BSND: variants seen among roughly 807,000 people sequenced by gnomAD.
BSND encodes the protein barttin.
In BSND, 13 loss-of-function variants were observed where a neutral mutation model predicts 18.8. That is an observed-to-expected ratio of 0.69 (90% CI 0.45 to 1.10). BSND has a LOEUF of 1.10. BSND is among the 50% of genes least tolerant of loss of function. BSND has a pLI of 0.00. For synonymous variants in BSND, 170 were observed against 161.8 expected (o/e 1.05, Z -0.39); for missense variants, 379 against 416.7 (o/e 0.91, Z 0.79).
At position 55,016,611 on chromosome 1, in the gene BSND, T is replaced by TGTTC. The variant is rs386366992; in HGVS notation, c.*7986_*7987insCGTT. ...TTTGTTGTTGTTGTTGTTGTTTGTT[T>TGTTC]GTTGTTTTGAGACAAGGTCTTGCCG... On this transcript the variant is annotated 3_prime_UTR_variant, in exon 4 of 4. Coordinates refer to ENST00000651561, the MANE Select transcript of BSND (RefSeq NM_057176.3). Among the ~76,000 whole-genome samples the TGTTC allele has an allele frequency of 1.3e-5, 2 of 152,030 alleles. No individual in the cohort carries two copies. Among genetic ancestry groups the TGTTC allele is most frequent in the Non-Finnish European group, 2.9e-5 (2 of 67,994 alleles).
chr1:55,001,201 CGTGTGTGTGTGTGTGTGTGTGTGT>C (rs36051858), intron 1 of BSND, among the ~76,000 whole-genome samples: 2 of 137,012 alleles, frequency 1.5e-5, no homozygotes, highest in South Asian at 2.5e-4. Context: ...ACAGTGGGAT[CGTGTGTGTGTGTGTGTGTGTGTGT>C]GTGTGTGTGT....
rs1486736339 is a variant in BSND at position 54,999,349 on chromosome 1, C to A, written c.163C>A (p.Gln55Lys). 2 of 1,609,776 alleles carry A rather than the reference C, an allele frequency of 1.2e-6. No individual in the cohort carries two copies. The highest frequency in any genetic ancestry group is 3.3e-5 in the Admixed American group (2 of 59,942). The change falls in exon 1 of 4, where the codon CAG (glutamine) becomes AAG (lysine). Residue 55 changes from glutamine to lysine, a missense_variant. Transcript: ENST00000651561. ...VIGGIIWSMC[Q>K]CYPKITFVPA... ...CGGGGGCATCATCTGGAGCATGTGC[C>A]AGTGCTACCCCAAGGTAGGTGGTAG... is the stretch of plus-strand genomic sequence containing the variant.
intron 2 of BSND, 84 bp from the exon 3 acceptor site, chr1:55,006,913 T>C: frequency 1.3e-6 from 2 of 1,599,632 alleles, no homozygotes; most frequent in Non-Finnish European, 1.7e-6. Context: ...GGAGACCACA[T>C]ACCCAAAGCA....
chr1:54,999,363 G>C lies in BSND; in HGVS notation c.177G>C (p.Lys59Asn). 6.2e-7 allele frequency: 1 copy of C among 1,606,402 alleles called. No individual in the cohort carries two copies. Among genetic ancestry groups the C allele is most frequent in the African/African-American group, 1.3e-5 (1 of 74,938 alleles). The stretch of plus-strand genomic sequence containing the variant: ...GGAGCATGTGCCAGTGCTACCCCAA[G>C]GTAGGTGGTAGTGGGGCTGGGTGGG... ...IIWSMCQCYP[K>N]ITFVPADSDF... The change falls in exon 1 of 4, where the codon AAG becomes AAC. Residue 59 changes from lysine to asparagine, a missense_variant and splice_region_variant. Coordinates refer to ENST00000651561, the MANE Select transcript of BSND (RefSeq NM_057176.3).
chr1:55,008,219 T>TG lies in BSND; in HGVS notation c.556dup (p.Ala186GlyfsTer15). ...TGTGGTCTTTGTCCCTGCAGCCCCC[T>TG]GGCCTGTCCCCAGGGCCCTGCCCCC... On this transcript the variant is annotated frameshift_variant, in exon 4 of 4. Coordinates refer to ENST00000651561, the MANE Select transcript of BSND (RefSeq NM_057176.3). LOFTEE classifies it low-confidence loss of function (END_TRUNC). The TG allele has an allele frequency of 6.2e-7, 1 of 1,614,068 alleles. No homozygotes were observed. The highest frequency in any genetic ancestry group is 1.3e-5 in the African/African-American group (1 of 75,060).
chr1:55,014,332 T>A lies in BSND; in HGVS notation c.*5704T>A, dbSNP rs959106519. 6.6e-6 allele frequency among the ~76,000 whole-genome samples: 1 copy of A among 152,238 alleles called. No homozygotes were observed. The highest frequency in any genetic ancestry group is 6.5e-5 in the Admixed American group (1 of 15,278). On this transcript the variant is annotated 3_prime_UTR_variant, in exon 4 of 4. Transcript: ENST00000651561. ...ACTAGGCTTCCCTACTGGCCAGCTC[T>A]GTGACTTTGGCCAGGAGACTTAGCC...
At chr1:55,001,201 CGTGTGTGTGT>C (rs36051858) in intron 1 of BSND, among the ~76,000 whole-genome samples, 2,034 of 136,992 alleles carry the variant, frequency 0.015, 29 homozygotes, top group African/African-American at 0.046. Context: ...ACAGTGGGAT[CGTGTGTGTGT>C]GTGTGTGTGT....
intron 1 of BSND, among the ~76,000 whole-genome samples, chr1:55,004,025 C>G (rs1031909034): frequency 3.3e-5 from 5 of 152,208 alleles, no homozygotes; most frequent in Non-Finnish European, 7.3e-5. Flanking sequence ...TCTCTAGCCC[C>G]TGGCAACCAT....
rs1644395419 is a variant in BSND, at chr1:55,007,134, G to A, written c.410G>A (p.Gly137Glu). The change falls in exon 3 of 4, where the codon GGG (glycine) becomes GAG (glutamate). Residue 137 changes from glycine to glutamate, a missense_variant. By Grantham distance (98) the Gly-to-Glu change is moderately conservative (BLOSUM62 -2). Transcript: ENST00000651561. ...DHRSLLAPEM[G>E]QPKLGTSDGG... ...CGCTCCTTGCTGGCCCCTGAGATGG[G>A]GCAGCCGAAGCTGGGAACCAGTGAT... is the stretch of plus-strand genomic sequence containing the variant. The A allele has an allele frequency of 1.9e-6, 3 of 1,614,086 alleles. No individual in the cohort carries two copies. The highest frequency in any genetic ancestry group is 2.2e-5 in the South Asian group (2 of 91,088).
At position 55,014,690 on chromosome 1, in the gene BSND, A is replaced by G. The variant is rs184581319; in HGVS notation, c.*6062A>G. Among the ~76,000 whole-genome samples, 283 of 152,348 alleles carry G rather than the reference A, an allele frequency of 1.9e-3. 1 individual carries two copies. The highest frequency in any genetic ancestry group is 4.6e-3 in the Admixed American group (70 of 15,308). On this transcript the variant is annotated 3_prime_UTR_variant, in exon 4 of 4. Transcript: ENST00000651561. ...GCTGGTGGCATCAGACTCTCCTGGG[A>G]AACTTTAAAAATCTAGTGTCCTAGA...
rs753419886 is a variant in BSND at position 55,015,633 on chromosome 1, T to C, written c.*7005T>C. Among the ~76,000 whole-genome samples, 1 of 152,188 alleles carries C rather than the reference T, an allele frequency of 6.6e-6. No homozygotes were observed. Among genetic ancestry groups the C allele is most frequent in the Non-Finnish European group, 1.5e-5 (1 of 68,030 alleles). ...TTTTATCTAGTCATGTGTTCATTCA[T>C]TTGTTCACTTATTCATTTATTCTAA... On this transcript the variant is annotated 3_prime_UTR_variant, in exon 4 of 4. Transcript: ENST00000651561.
At chr1:55,004,994 A>C in intron 1 of BSND, 28 bp from the exon 2 acceptor site, 1 of 1,610,032 alleles carries the variant, frequency 6.2e-7, no homozygotes, top group Non-Finnish European at 8.5e-7. Context: ...GGTCAACTGC[A>C]CAGAGGCTGT....
Position 55,008,273 on chromosome 1 carries a change from T to C in BSND, c.608T>C (p.Met203Thr). The change falls in exon 4 of 4, where the codon ATG becomes ACG. Residue 203 changes from methionine to threonine, a missense_variant. Transcript: ENST00000651561. ...GCTTCCTTCCAAGATGACCTGGACA[T>C]GGACTCCAGTGAAGGCAGCAGCCCC... ...PLASFQDDLD[M>T]DSSEGSSPNA... The C allele has an allele frequency of 6.2e-7, 1 of 1,614,162 alleles. No homozygotes were observed. The highest frequency in any genetic ancestry group is 8.5e-7 in the Non-Finnish European group (1 of 1,180,024).
intron 1 of BSND, among the ~76,000 whole-genome samples, chr1:55,000,079 T>A (rs1414895255): frequency 6.6e-6 from 1 of 152,180 alleles, no homozygotes; most frequent in African/African-American, 2.4e-5. Context: ...ATTTTTTTCA[T>A]CTGCAAATGA....
In BSND at chr1:54,999,006, G is replaced by T; in HGVS notation, c.-181G>T. 3 of 700,298 alleles carry T rather than the reference G, an allele frequency of 4.3e-6. No individual in the cohort carries two copies. The highest frequency in any genetic ancestry group is 7.1e-6 in the Non-Finnish European group (3 of 423,708). 43.4% of individuals were successfully genotyped at this position (700,298 alleles called of 1,614,324 possible). A position where few individuals can be genotyped will look rare whatever the true frequency, so the allele number is the denominator to read the frequency against. On this transcript the variant is annotated 5_prime_UTR_variant, in exon 1 of 4. Transcript: ENST00000651561. The stretch of plus-strand genomic sequence containing the variant: ...GTTGAAGCGAGCCGCCTCCAGCCCT[G>T]TTGAACTGGTGGGCCCAGGGACTGG...
chr1:55,004,024 C>T (rs1367837271), intron 1 of BSND, among the ~76,000 whole-genome samples: 2 of 152,184 alleles, frequency 1.3e-5, no homozygotes, highest in African/African-American at 4.8e-5. Context: ...CTCTCTAGCC[C>T]CTGGCAACCA....
In BSND at chr1:55,011,520, G is replaced by A. The variant is rs139786638; in HGVS notation, c.*2892G>A. The stretch of plus-strand genomic sequence containing the variant: ...AATGCCCTGCAGCCAAAGACCACTG[G>A]GAGCACACCTCACCTGTGGTTAACA... On this transcript the variant is annotated 3_prime_UTR_variant, in exon 4 of 4. Coordinates refer to ENST00000651561, the MANE Select transcript of BSND (RefSeq NM_057176.3). 6.6e-6 allele frequency: 1 copy of A among 152,306 alleles called. No individual in the cohort carries two copies. Among genetic ancestry groups the A allele is most frequent in the African/African-American group, 2.4e-5 (1 of 41,550 alleles). 9.4% of individuals were successfully genotyped at this position (152,306 alleles called of 1,614,324 possible). A position where few individuals can be genotyped will look rare whatever the true frequency, so the allele number is the denominator to read the frequency against.
rs908266825 is a variant in BSND at position 55,012,844 on chromosome 1, C to G, written c.*4216C>G. On this transcript the variant is annotated 3_prime_UTR_variant, in exon 4 of 4. Transcript: ENST00000651561. ...CATGCTGAGTGAGAGAGGCAGCACC[C>G]TGGAAGCTTGGAGGAGGAGCAGGAT... is the stretch of plus-strand genomic sequence containing the variant. Among the ~76,000 whole-genome samples the G allele has an allele frequency of 2.6e-5, 4 of 152,184 alleles. No individual in the cohort carries two copies. Among genetic ancestry groups the G allele is most frequent in the African/African-American group, 9.7e-5 (4 of 41,436 alleles).
chr1:55,010,271 T>C lies in BSND; in HGVS notation c.*1643T>C, dbSNP rs2100211541. 1 of 152,390 alleles carries C rather than the reference T, an allele frequency of 6.6e-6. No individual in the cohort carries two copies. The highest frequency in any genetic ancestry group is 1.9e-4 in the East Asian group (1 of 5,182). The allele number at this position is 152,390 out of a possible 1,614,324, so 9.4% of individuals were successfully genotyped here. On this transcript the variant is annotated 3_prime_UTR_variant, in exon 4 of 4. Coordinates refer to ENST00000651561, the MANE Select transcript of BSND (RefSeq NM_057176.3). ...GGCAGAAGAGTGACAGCCTCCCAGC[T>C]GTTTGGGGCAGTTGAGTATGGTGGG...
Sources: allele counts gnomAD v4.1 joint callset (sites outside exome capture counted in the v4.1 genomes callset), GRCh38; gene constraint gnomAD v4.1.1; transcripts MANE v1.5; gene names NCBI Gene and HGNC (gene_info 2026-07-23, HGNC 2026-07-21).